OLFM2: variants seen among roughly 807,000 people sequenced by gnomAD.
OLFM2 encodes the protein olfactomedin 2.
A neutral mutation model predicts 43.9 loss-of-function variants in OLFM2; 20 were observed. That is an observed-to-expected ratio of 0.46 (90% CI 0.32 to 0.66). The LOEUF is 0.66. OLFM2 is among the 30% of genes least tolerant of loss of function. OLFM2 has a pLI of 0.04. For synonymous variants in OLFM2, 268 were observed against 278.6 expected (o/e 0.96, Z 0.38); for missense variants, 416 against 643.6 (o/e 0.65, Z 3.83).
At chr19:9,903,999 G>A (rs2046762045) in intron 1 of OLFM2, among the ~76,000 whole-genome samples, 1 of 152,060 alleles carries the variant, frequency 6.6e-6, no homozygotes, top group Non-Finnish European at 1.5e-5. Flanking sequence ...ACTATCATGG[G>A]CACTACACTG....
chr19:9,854,029 CAG>C lies in OLFM2; in HGVS notation c.*155_*156del, dbSNP rs1447673808. 2.2e-5 allele frequency: 14 copies of C among 637,824 alleles called. No homozygotes were observed. The highest frequency in any genetic ancestry group is 3.0e-5 in the Non-Finnish European group (11 of 369,056). 39.5% of individuals were successfully genotyped at this position (637,824 alleles called of 1,614,324 possible). On this transcript the variant is annotated 3_prime_UTR_variant, in exon 6 of 6. Transcript: ENST00000264833. The surrounding 1 kb of genome is among the most constrained non-coding windows in gnomAD (Gnocchi z 9.5). Reference sequence around the variant, plus strand: ...GAAGAGGGGAAATTGAAAAAATAGACAGAAATACATAGGCAGAGAACAAAAGC... The same window carrying C: ...GAAGAGGGGAAATTGAAAAAATAGACAAATACATAGGCAGAGAACAAAAGC...
At chr19:9,877,464 C>G (rs112838895) in intron 1 of OLFM2, among the ~76,000 whole-genome samples, 2 of 149,958 alleles carry the variant, frequency 1.3e-5, no homozygotes, top group Non-Finnish European at 3.0e-5. Context: ...ACTCGGGAGG[C>G]GGAGGTTGCG....
intron 1 of OLFM2, among the ~76,000 whole-genome samples, chr19:9,905,330 G>A (rs1264447603): frequency 2.0e-5 from 3 of 152,032 alleles, no homozygotes; most frequent in South Asian, 2.1e-4. Context: ...AGTGGTGGGC[G>A]CCTGTGGTCC....
At chr19:9,932,036 G>A (rs2086485931) in intron 1 of OLFM2, among the ~76,000 whole-genome samples, 1 of 152,174 alleles carries the variant, frequency 6.6e-6, no homozygotes, top group Non-Finnish European at 1.5e-5. Context: ...AGCACCTACT[G>A]TGTGTCAGGC....
intron 2 of OLFM2, among the ~76,000 whole-genome samples, chr19:9,859,768 G>A (rs2046352717): frequency 6.6e-6 from 1 of 152,170 alleles, no homozygotes; most frequent in African/African-American, 2.4e-5. Flanking sequence ...TCACACACAG[G>A]AGACTCAGAT....
At chr19:9,931,104 T>C (rs1252448332) in intron 1 of OLFM2, among the ~76,000 whole-genome samples, 1 of 152,144 alleles carries the variant, frequency 6.6e-6, no homozygotes, top group African/African-American at 2.4e-5. Flanking sequence ...TTTCCTACAC[T>C]AACTCGGAGT....
At chr19:9,913,826 A>G (rs1219417876) in intron 1 of OLFM2, 2 of 321,282 alleles carry the variant, frequency 6.2e-6, no homozygotes, top group Non-Finnish European at 9.0e-6. Flanking sequence ...GGCTCCTCTT[A>G]TAAAGCGCCG....
intron 5 of OLFM2, among the ~76,000 whole-genome samples, chr19:9,855,732 C>T (rs1599462077): frequency 6.6e-6 from 1 of 151,954 alleles, no homozygotes; most frequent in Admixed American, 6.6e-5. Flanking sequence ...GACAAGGTCT[C>T]GCAATGTTGC....
chr19:9,907,349 G>A (rs1428270080), intron 1 of OLFM2, among the ~76,000 whole-genome samples: 1 of 152,186 alleles, frequency 6.6e-6, no homozygotes, highest in Non-Finnish European at 1.5e-5. Flanking sequence ...CAGCTACTTG[G>A]GAGGCCGAGG....
At chr19:9,923,871 A>G (rs1167691280) in intron 1 of OLFM2, among the ~76,000 whole-genome samples, 2 of 151,534 alleles carry the variant, frequency 1.3e-5, no homozygotes, top group Admixed American at 6.6e-5. Flanking sequence ...AGGCTAAGGC[A>G]GGTGGATTAC....
chr19:9,869,574 T>C (rs1488082515), intron 1 of OLFM2, among the ~76,000 whole-genome samples: 3 of 152,150 alleles, frequency 2.0e-5, no homozygotes, highest in Non-Finnish European at 4.4e-5. Flanking sequence ...ATTAGAACAG[T>C]CATCAGCATG....
intron 1 of OLFM2, among the ~76,000 whole-genome samples, chr19:9,928,322 G>A (rs150599404): frequency 6.6e-6 from 1 of 152,328 alleles, no homozygotes; most frequent in East Asian, 1.9e-4. Context: ...AAAGTGAGAA[G>A]CTATTTGCCA....
chr19:9,906,746 C>T (rs2046788677), intron 1 of OLFM2, among the ~76,000 whole-genome samples: 1 of 152,178 alleles, frequency 6.6e-6, no homozygotes, highest in Admixed American at 6.6e-5. Context: ...CAAACCTCCC[C>T]TCTGCCTTTT....
intron 1 of OLFM2, among the ~76,000 whole-genome samples, chr19:9,905,919 G>C (rs1243740981): frequency 1.3e-5 from 2 of 152,198 alleles, no homozygotes; most frequent in Non-Finnish European, 2.9e-5. Context: ...AGTCAGGCAT[G>C]GCTTTGCCAC....
At chr19:9,885,405 TGCC>T (rs1291565384) in intron 1 of OLFM2, among the ~76,000 whole-genome samples, 6 of 152,198 alleles carry the variant, frequency 3.9e-5, no homozygotes, top group Non-Finnish European at 7.3e-5. Context: ...TTGGCACAAA[TGCC>T]TGGTGCTCCT....
chr19:9,907,177 C>T (rs533221211), intron 1 of OLFM2, among the ~76,000 whole-genome samples: 3 of 152,146 alleles, frequency 2.0e-5, no homozygotes, highest in Admixed American at 6.5e-5. Context: ...GGTCTGGGGC[C>T]GGGCGTGGTG....
chr19:9,911,573 A>G (rs1477983653), intron 1 of OLFM2, among the ~76,000 whole-genome samples: 6 of 152,138 alleles, frequency 3.9e-5, no homozygotes, highest in Non-Finnish European at 5.9e-5. Context: ...CACTTTCATA[A>G]ATACACACTT....
In OLFM2 at chr19:9,936,199, T is replaced by TG. The variant is rs1206688543; in HGVS notation, c.63+104dup. 1.9e-4 allele frequency: 229 copies of TG among 1,232,884 alleles called. No homozygotes were observed. In the East Asian group the frequency reaches 2.8e-3, roughly 15 times the overall value. 76.4% of individuals were successfully genotyped at this position (1,232,884 alleles called of 1,614,324 possible). The stretch of plus-strand genomic sequence containing the variant: ...CCCCCGCCCCTCGCCGCCCTGCAGC[T>TG]GGGGGGGCTTGTGGAGCCTCCCAAC... On this transcript the variant is annotated intron_variant, in intron 1 of 5. Transcript: ENST00000264833.
intron 1 of OLFM2, among the ~76,000 whole-genome samples, chr19:9,899,180 A>C (rs1020767358): frequency 2.6e-5 from 4 of 151,618 alleles, no homozygotes; most frequent in African/African-American, 9.7e-5. Context: ...CAGGAGAATC[A>C]CTTGAACCCG....
Sources: gnomAD v4.1 joint callset for allele counts (sites outside exome capture counted in the v4.1 genomes callset) on GRCh38, gnomAD v4.1.1 for gene constraint, Gnocchi (gnomAD v3.1) non-coding constraint, MANE v1.5 for transcripts, NCBI Gene and HGNC (gene_info 2026-07-23, HGNC 2026-07-21) for gene names.